ABCD3: variants seen among roughly 807,000 people sequenced by gnomAD.
ABCD3 encodes ATP binding cassette subfamily D member 3.
Under a neutral mutation model 105.5 loss-of-function variants are expected in ABCD3, and 41 were observed. The observed-to-expected ratio is 0.39, with a 90% CI of 0.30 to 0.50. The LOEUF (loss-of-function observed/expected upper bound fraction) is 0.50, where lower values mean the gene tolerates loss of function less well. Ranked by LOEUF, ABCD3 falls within the 20% of genes least tolerant of loss-of-function variation. The pLI is 0.84. For synonymous variants in ABCD3, 258 were observed against 269.0 expected (o/e 0.96, Z 0.40); for missense variants, 622 against 806.3 (o/e 0.77, Z 2.77).
chr1:94,418,410 T>A lies in ABCD3; in HGVS notation c.-69T>A, dbSNP rs1026956006. 1.5e-6 allele frequency: 2 copies of A among 1,317,306 alleles called. No homozygotes were observed. Among genetic ancestry groups the A allele is most frequent in the African/African-American group, 3.0e-5 (2 of 67,650 alleles). 81.6% of individuals were successfully genotyped at this position (1,317,306 alleles called of 1,614,324 possible). A position where few individuals can be genotyped will look rare whatever the true frequency, so the allele number is the denominator to read the frequency against. On this transcript the variant is annotated 5_prime_UTR_variant, in exon 1 of 23. Coordinates refer to ENST00000370214, the MANE Select transcript of ABCD3 (RefSeq NM_002858.4). ...TCCTCCCAGTCTCCCCCGCGCTGCG[T>A]GCAGTAAGGTAGCCGCCGCCGCCGC...
chr1:94,484,457 A>G (rs1183405803), intron 10 of ABCD3, among the ~76,000 whole-genome samples: 1 of 152,258 alleles, frequency 6.6e-6, no homozygotes, highest in African/African-American at 2.4e-5. Flanking sequence ...CTATGCAGCC[A>G]TAAAAATTAT....
intron 1 of ABCD3, among the ~76,000 whole-genome samples, chr1:94,450,928 A>C (rs933568637): frequency 2.0e-5 from 3 of 152,204 alleles, no homozygotes; most frequent in African/African-American, 7.2e-5. Context: ...AGATAGTAAA[A>C]ATACTTTAGA....
chr1:94,398,486 A>C, the ABCD3 span, among the ~76,000 whole-genome samples: 2 of 152,232 alleles, frequency 1.3e-5, no homozygotes, highest in African/African-American at 2.4e-5. Flanking sequence ...AACAGTTTTC[A>C]GTAAAAACAC....
At chr1:94,471,757 T>G (rs1648470206) in intron 4 of ABCD3, among the ~76,000 whole-genome samples, 1 of 152,190 alleles carries the variant, frequency 6.6e-6, no homozygotes, top group South Asian at 2.1e-4. Flanking sequence ...GCAAATTGAT[T>G]TATTTATTTT....
At chr1:94,390,513 G>A in the ABCD3 span, among the ~76,000 whole-genome samples, 12 of 152,138 alleles carry the variant, frequency 7.9e-5, no homozygotes, top group South Asian at 2.5e-3. Flanking sequence ...ACGTTGGGTA[G>A]GCTGGTCTCG....
At chr1:94,429,656 G>A (rs1439837472) in intron 1 of ABCD3, among the ~76,000 whole-genome samples, 2 of 152,234 alleles carry the variant, frequency 1.3e-5, no homozygotes, top group Non-Finnish European at 2.9e-5. Flanking sequence ...TGTTGAGCCT[G>A]CGAGTGCACA....
At chr1:94,426,136 A>G (rs759774367) in intron 1 of ABCD3, among the ~76,000 whole-genome samples, 2 of 152,194 alleles carry the variant, frequency 1.3e-5, no homozygotes, top group Non-Finnish European at 2.9e-5. Context: ...GAGCCTTCCT[A>G]ATTTCCTCAG....
chr1:94,458,169 C>T (rs1293098625), intron 1 of ABCD3, among the ~76,000 whole-genome samples: 1 of 152,118 alleles, frequency 6.6e-6, no homozygotes, highest in Non-Finnish European at 1.5e-5. Context: ...GAAGACTAGC[C>T]TAGGATTGCT....
intron 7 of ABCD3, among the ~76,000 whole-genome samples, chr1:94,476,442 C>T (rs532902521): frequency 6.6e-6 from 1 of 152,280 alleles, no homozygotes; most frequent in Non-Finnish European, 1.5e-5. Flanking sequence ...TGCCCAGCAT[C>T]CCCTCCCCTC....
At chr1:94,483,097 A>G (rs1336564121) in intron 9 of ABCD3, 73 bp from the exon 10 acceptor site, 6 of 971,126 alleles carry the variant, frequency 6.2e-6, no homozygotes, top group Non-Finnish European at 9.8e-6. Flanking sequence ...TTCAGCCATC[A>G]TATACTGTAT....
intron 1 of ABCD3, among the ~76,000 whole-genome samples, chr1:94,450,658 T>C (rs946929144): frequency 5.9e-5 from 9 of 152,222 alleles, no homozygotes; most frequent in Non-Finnish European, 1.3e-4. Context: ...AAATCTCTGT[T>C]TGGGGCTCTC....
chr1:94,509,787 T>C (rs1464822102), intron 21 of ABCD3, among the ~76,000 whole-genome samples: 2 of 152,226 alleles, frequency 1.3e-5, no homozygotes, highest in East Asian at 1.9e-4. Context: ...GAGGTGTTTG[T>C]AGTATTCTCC....
intron 8 of ABCD3, chr1:94,480,176 T>G: frequency 2.3e-6 from 1 of 440,830 alleles, no homozygotes; most frequent in Admixed American, 3.8e-5. Context: ...CAGGAGAGTG[T>G]TAGATAACAT....
chr1:94,423,523 A>G (rs989309036), intron 1 of ABCD3, among the ~76,000 whole-genome samples: 1 of 152,180 alleles, frequency 6.6e-6, no homozygotes, highest in Admixed American at 6.5e-5. Context: ...AGGTACTTAC[A>G]TCTTGTCTCT....
At position 94,464,163 on chromosome 1, in the gene ABCD3, C is replaced by T. The variant is rs780450709; in HGVS notation, c.148-612C>T. On this transcript the variant is annotated intron_variant, in intron 2 of 22. Transcript: ENST00000370214. ...GTTTATTTTTTGTCTATGTTTCTCC[C>T]GCTAGAATGTGAGCTGCATAAGTGA... is the stretch of plus-strand genomic sequence containing the variant. 7.9e-5 allele frequency among the ~76,000 whole-genome samples: 12 copies of T among 151,932 alleles called. No homozygotes were observed. The East Asian group carries it at 9.6e-4, about 12-fold the overall frequency.
At chr1:94,486,925 T>C (rs1649302766) in intron 10 of ABCD3, among the ~76,000 whole-genome samples, 1 of 152,212 alleles carries the variant, frequency 6.6e-6, no homozygotes, top group Non-Finnish European at 1.5e-5. Flanking sequence ...ATGCAGGACC[T>C]TGAATAATCT....
intron 9 of ABCD3, 95 bp downstream of exon 9, chr1:94,480,701 C>A (rs1648988286): frequency 1.5e-6 from 2 of 1,291,894 alleles, no homozygotes; most frequent in East Asian, 4.7e-5. Flanking sequence ...GACACTGTTA[C>A]TGTAATAATG....
At chr1:94,515,005 C>A in intron 21 of ABCD3, 141 bp from the exon 22 acceptor site, 1 of 667,890 alleles carries the variant, frequency 1.5e-6, no homozygotes, top group Non-Finnish European at 2.7e-6. Context: ...CATTTTGCAT[C>A]CAGTTGTAAA....
At chr1:94,444,318 C>G (rs886231507) in intron 1 of ABCD3, among the ~76,000 whole-genome samples, 1 of 123,470 alleles carries the variant, frequency 8.1e-6, no homozygotes, top group Admixed American at 1.1e-4. Context: ...GGGGGCAGAG[C>G]GAGACTCCAT....
Sources: gnomAD v4.1 joint callset for allele counts (sites outside exome capture counted in the v4.1 genomes callset) on GRCh38, gnomAD v4.1.1 for gene constraint, MANE v1.5 for transcripts, NCBI Gene and HGNC (gene_info 2026-07-23, HGNC 2026-07-21) for gene names.